The following RNF19A variants were observed in gnomAD, a reference collection of about 807,000 sequenced individuals.
The protein encoded by RNF19A is ring finger protein 19A, RBR E3 ubiquitin protein ligase.
In RNF19A, 32 loss-of-function variants were observed where a neutral mutation model predicts 75.7. The ratio of observed to expected loss-of-function variants is 0.42; its 90% CI spans 0.32 to 0.57. The LOEUF is 0.57. Among genes scored for constraint, RNF19A ranks in the 20% least tolerant of loss-of-function variants. The pLI, the probability that RNF19A is intolerant of heterozygous loss-of-function variation, is 0.10. For missense variants in RNF19A, 782 were observed against 1,036.3 expected (o/e 0.75, Z 3.37); for synonymous variants, 335 against 345.2 (o/e 0.97, Z 0.33).
chr8:100,259,944 G>A lies in RNF19A; in HGVS notation c.1736C>T (p.Ser579Phe). ...QKERYSLSGE[S>F]GTVSLGTVSD... Reference sequence around the variant, plus strand: ...AACTGTTCCCAAGCTGACTGTGCCAGATTCTCCACTTAGACTGTACCGTTC... The same window carrying A: ...AACTGTTCCCAAGCTGACTGTGCCAAATTCTCCACTTAGACTGTACCGTTC... Residue 579 changes from serine (S) to phenylalanine (F), a missense_variant, in exon 9 of 10, where the codon TCT becomes TTT. Ser to Phe is a radical substitution (Grantham distance 155, BLOSUM62 -2). This residue lies in a region of RNF19A where 442 missense variants were observed against 541.6 expected (regional missense o/e 0.82). Transcript: ENST00000341084. This position sits in a 1 kb window ranked among gnomAD's most constrained non-coding sequence, Gnocchi z 4.5. 3.7e-6 allele frequency: 6 copies of A among 1,613,888 alleles called. No homozygotes were observed. Among genetic ancestry groups the A allele is most frequent in the Non-Finnish European group, 5.1e-6 (6 of 1,179,834 alleles).
At chr8:100,312,602 GA>G (rs969092246), upstream of RNF19A, among the ~76,000 whole-genome samples, 3 of 151,400 alleles carry the variant, frequency 2.0e-5, no homozygotes, top group Non-Finnish European at 4.4e-5. Context: ...AAGAAAGAAT[GA>G]AAGAAGGGAA....
intron 1 of RNF19A, among the ~76,000 whole-genome samples, chr8:100,295,451 G>A (rs1184305270): frequency 6.6e-6 from 1 of 151,844 alleles, no homozygotes; most frequent in Non-Finnish European, 1.5e-5. Context: ...TTGCTCACTG[G>A]GCATAACTTT....
At chr8:100,288,974 G>A (rs901355737) in intron 1 of RNF19A, among the ~76,000 whole-genome samples, 8 of 151,594 alleles carry the variant, frequency 5.3e-5, no homozygotes, top group African/African-American at 1.7e-4. Context: ...GCAGGAGAAT[G>A]GCGTGAACCC....
At chr8:100,285,058 C>G (rs1315517465) in intron 2 of RNF19A, among the ~76,000 whole-genome samples, 1 of 152,112 alleles carries the variant, frequency 6.6e-6, no homozygotes, top group Non-Finnish European at 1.5e-5. Flanking sequence ...TTTATCTATT[C>G]TACTGTTAAT....
At chr8:100,303,761 TAAAAAAA>T (rs60110792) in intron 1 of RNF19A, among the ~76,000 whole-genome samples, 1 of 94,358 alleles carries the variant, frequency 1.1e-5, no homozygotes, top group Admixed American at 1.2e-4. Context: ...TCGCCGCTTG[TAAAAAAA>T]AAAAAAAAAA....
rs758642585 is a variant in RNF19A at position 100,261,620 on chromosome 8, G to A, written c.1604C>T (p.Thr535Met). 8 of 1,613,870 alleles carry A rather than the reference G, an allele frequency of 5.0e-6. No homozygotes were observed. The highest frequency in any genetic ancestry group is 5.9e-6 in the Non-Finnish European group (7 of 1,180,014). The change falls in exon 8 of 10, where the codon ACG becomes ATG. Residue 535 changes from threonine to methionine, a missense_variant. Thr to Met is a moderately conservative substitution (Grantham distance 81). Around this residue, in one of 7 missense-constraint regions of RNF19A, gnomAD observed 442 missense variants for 541.6 expected, o/e 0.82. Coordinates refer to ENST00000341084, the MANE Select transcript of RNF19A (RefSeq NM_183419.4). This position sits in a 1 kb window ranked among gnomAD's most constrained non-coding sequence, Gnocchi z 4.4. The part of the protein sequence containing the change: ...IGAIRDNLSE[T>M]ASTMALAGAS... ...TCCAGCTAGTGCCATGGTGCTGGCC[G>A]TTTCACTCAGGTTGTCTCGGATGGC...
intron 1 of RNF19A, among the ~76,000 whole-genome samples, chr8:100,335,102 G>A (rs1197215065): frequency 2.0e-5 from 3 of 152,128 alleles, no homozygotes; most frequent in African/African-American, 7.2e-5. Flanking sequence ...AAGTAATTAC[G>A]TATATACAAA....
rs755023111 is a variant in RNF19A, at chr8:100,287,719, G to A, written c.456C>T (p.His152=). Residue 152 remains histidine (H), a synonymous_variant, in exon 2 of 10, where the codon CAC becomes CAT. Coordinates refer to ENST00000341084, the MANE Select transcript of RNF19A (RefSeq NM_183419.4). This position sits in a 1 kb window ranked among gnomAD's most constrained non-coding sequence, Gnocchi z 4.1. The part of the protein sequence containing the change: ...DRFPDIMTCH[H]RSCVDCLRQY... The stretch of plus-strand genomic sequence containing the variant: ...GTCGTAAGCAATCCACACAAGATCT[G>A]TGATGACAAGTCATTATATCAGGAA... 1 of 1,614,010 alleles carries A rather than the reference G, an allele frequency of 6.2e-7. No homozygotes were observed. Among genetic ancestry groups the A allele is most frequent in the Non-Finnish European group, 8.5e-7 (1 of 1,179,942 alleles).
In RNF19A at chr8:100,264,123, C is replaced by T; in HGVS notation, c.1379G>A (p.Cys460Tyr). 1 of 1,613,784 alleles carries T rather than the reference C, an allele frequency of 6.2e-7. No homozygotes were observed. The highest frequency in any genetic ancestry group is 8.5e-7 in the Non-Finnish European group (1 of 1,179,750). ...VPISLCRSGG[C>Y]GVSAGNGKGV... ...TTTTCCATTGCCTGCTGAGACTCCA[C>T]AACCTCCGCTTCGACAAAGAGAAAT... is the stretch of plus-strand genomic sequence containing the variant. Residue 460 changes from cysteine (C) to tyrosine (Y), a missense_variant, in exon 7 of 10, where the codon TGT becomes TAT. Cys to Tyr is a radical substitution (Grantham distance 194). This residue lies in a region of RNF19A where 442 missense variants were observed against 541.6 expected (regional missense o/e 0.82). Coordinates refer to ENST00000341084, the MANE Select transcript of RNF19A (RefSeq NM_183419.4). This position sits in a 1 kb window ranked among gnomAD's most constrained non-coding sequence, Gnocchi z 4.7.
rs924562981 is a variant in RNF19A, at chr8:100,330,338, T to C, written c.-243+5770A>G. The stretch of plus-strand genomic sequence containing the variant: ...AGCATCTTTGTGTTTGGAAACAGCA[T>C]CCTGATTTATTTGGAGACCCATCCC... On this transcript the variant is annotated intron_variant, in intron 1 of 3. Coordinates refer to the RNF19A transcript ENST00000519527. This position sits in a 1 kb window ranked among gnomAD's most constrained non-coding sequence, Gnocchi z 4.1. Among the ~76,000 whole-genome samples the C allele has an allele frequency of 1.3e-5, 2 of 152,154 alleles. No homozygotes were observed. The highest frequency in any genetic ancestry group is 6.5e-5 in the Admixed American group (1 of 15,270).
At chr8:100,320,357 T>C (rs1312495682) in intron 1 of RNF19A, among the ~76,000 whole-genome samples, 1 of 152,258 alleles carries the variant, frequency 6.6e-6, no homozygotes, top group Admixed American at 6.5e-5. Flanking sequence ...ATTTAGTTTA[T>C]TCATTTTGAC....
At chr8:100,268,683 TAAAAAAAA>T in intron 5 of RNF19A, 94 bp downstream of exon 5, 7 of 354,812 alleles carry the variant, frequency 2.0e-5, no homozygotes, top group Non-Finnish European at 3.2e-5. Context: ...ACCCTTTGTC[TAAAAAAAA>T]AAAAAAAAAA....
chr8:100,303,478 T>C (rs1039881346), intron 1 of RNF19A: 6 of 152,124 alleles, frequency 3.9e-5, no homozygotes, highest in Admixed American at 3.9e-4. Context: ...CCAAATAACA[T>C]TTGCAGATTC....
upstream of RNF19A, chr8:100,309,962 G>T: frequency 1.0e-6 from 1 of 985,526 alleles, no homozygotes; most frequent in South Asian, 4.7e-5. Context: ...GCGGGGGAGG[G>T]TCCCTCCGAT....
chr8:100,265,532 T>A (rs1192181098), intron 5 of RNF19A, among the ~76,000 whole-genome samples: 1 of 152,180 alleles, frequency 6.6e-6, no homozygotes, highest in African/African-American at 2.4e-5. Context: ...ATCTTTATTT[T>A]CATGGTTTGC....
In RNF19A at chr8:100,259,850, T is replaced by G. The variant is rs1036297440; in HGVS notation, c.1826+4A>C. On this transcript the variant is annotated splice_donor_region_variant and intron_variant, in intron 9 of 9. Transcript: ENST00000341084. This position sits in a 1 kb window ranked among gnomAD's most constrained non-coding sequence, Gnocchi z 4.5. ...TTTCAATTTTTTAACAGTTTTTTCC[T>G]TACTTGTCCAATGGGATGTAGGAAT... 6.2e-6 allele frequency: 10 copies of G among 1,605,060 alleles called. No homozygotes were observed. Among genetic ancestry groups the G allele is most frequent in the Non-Finnish European group, 8.5e-6 (10 of 1,176,448 alleles).
intron 5 of RNF19A, among the ~76,000 whole-genome samples, chr8:100,268,159 T>C (rs1467331006): frequency 6.6e-6 from 1 of 152,066 alleles, no homozygotes; most frequent in Non-Finnish European, 1.5e-5. Context: ...ATCCAGAGAT[T>C]CTATTAATTT....
At chr8:100,283,855 C>A (rs756080424) in intron 2 of RNF19A, among the ~76,000 whole-genome samples, 2 of 152,002 alleles carry the variant, frequency 1.3e-5, no homozygotes, top group African/African-American at 4.8e-5. Flanking sequence ...GTCCTGACAC[C>A]GTGGCTAACC....
chr8:100,317,909 G>A lies in RNF19A; in HGVS notation c.-242-4537C>T, dbSNP rs983232187. Among the ~76,000 whole-genome samples, 1 of 152,052 alleles carries A rather than the reference G, an allele frequency of 6.6e-6. No individual in the cohort carries two copies. The highest frequency in any genetic ancestry group is 1.5e-5 in the Non-Finnish European group (1 of 68,012). On this transcript the variant is annotated intron_variant, in intron 1 of 3. Transcript: ENST00000519527. This position sits in a 1 kb window ranked among gnomAD's most constrained non-coding sequence, Gnocchi z 4.3. ...TCCTGAGTTAGACAATAAATTACAT[G>A]GTCACCCTGGTAATGAGCCTCAATG...
Sources: gnomAD v4.1 joint callset for allele counts (sites outside exome capture counted in the v4.1 genomes callset) on GRCh38, gnomAD v4.1.1 for gene constraint, gnomAD v4.1.1 regional missense constraint, Gnocchi (gnomAD v3.1) non-coding constraint, MANE v1.5 for transcripts, NCBI Gene and HGNC (gene_info 2026-07-23, HGNC 2026-07-21) for gene names.